The following KAT6B variants were observed in gnomAD, a reference collection of about 807,000 sequenced individuals.
The protein encoded by KAT6B is lysine acetyltransferase 6B.
KAT6B carries 10 observed loss-of-function variants against 187.5 expected under a neutral mutation model. That is an observed-to-expected ratio of 0.05 (90% CI 0.03 to 0.09). The LOEUF (loss-of-function observed/expected upper bound fraction) is 0.09, where lower values mean the gene tolerates loss of function less well. KAT6B is among the 10% of genes least tolerant of loss of function. The pLI is 1.00. For missense variants in KAT6B, 1,952 were observed against 2,558.9 expected (o/e 0.76, Z 5.12); for synonymous variants, 861 against 926.8 (o/e 0.93, Z 1.29).
chr10:74,845,192 T>A (rs1842007073), intron 3 of KAT6B, among the ~76,000 whole-genome samples: 2 of 147,332 alleles, frequency 1.4e-5, no homozygotes, highest in African/African-American at 5.1e-5. Flanking sequence ...GCCTGGGTGA[T>A]AGAGTGAGAT....
intron 4 of KAT6B, among the ~76,000 whole-genome samples, chr10:74,963,881 T>C (rs1841276297): frequency 6.6e-6 from 1 of 152,014 alleles, no homozygotes; most frequent in South Asian, 2.1e-4. Flanking sequence ...CCCAGCACTT[T>C]GGGAGGCCAA....
At chr10:74,975,222 T>C (rs1314272150) in intron 7 of KAT6B, among the ~76,000 whole-genome samples, 177 bp from the exon 8 acceptor site, 2 of 152,198 alleles carry the variant, frequency 1.3e-5, no homozygotes, top group African/African-American at 4.8e-5. Context: ...CCATGACATG[T>C]AAATGCAGTT....
At chr10:74,893,457 G>GTT (rs34203053) in intron 3 of KAT6B, among the ~76,000 whole-genome samples, 19 of 145,312 alleles carry the variant, frequency 1.3e-4, no homozygotes, top group South Asian at 2.2e-4. Context: ...AAATCAGTGG[G>GTT]TTTTTTTTTT....
At chr10:74,974,162 G>T (rs1842016672) in intron 7 of KAT6B, among the ~76,000 whole-genome samples, 1 of 152,166 alleles carries the variant, frequency 6.6e-6, no homozygotes, top group African/African-American at 2.4e-5. Context: ...TGACACTAGA[G>T]ATCTCTAGCG....
At chr10:74,957,104 T>A (rs778947179) in intron 3 of KAT6B, among the ~76,000 whole-genome samples, 5 of 152,246 alleles carry the variant, frequency 3.3e-5, no homozygotes, top group African/African-American at 4.8e-5. Flanking sequence ...GGGATTTTTT[T>A]AAACACAGTT....
At chr10:74,975,375 A>G in intron 7 of KAT6B, 24 bp from the exon 8 acceptor site, 2 of 1,589,702 alleles carry the variant, frequency 1.3e-6, no homozygotes, top group Non-Finnish European at 8.6e-7. Context: ...AAATGCTGAT[A>G]CTATTCTCTA....
chr10:74,916,315 CTTTA>C (rs1847676045), intron 3 of KAT6B, among the ~76,000 whole-genome samples: 2 of 151,996 alleles, frequency 1.3e-5, no homozygotes, highest in African/African-American at 4.8e-5. Context: ...TTGAATTGTG[CTTTA>C]TTTGATAATT....
chr10:74,862,785 C>T (rs780561816), intron 3 of KAT6B, among the ~76,000 whole-genome samples: 2 of 152,116 alleles, frequency 1.3e-5, no homozygotes, highest in African/African-American at 2.4e-5. Context: ...CTGGGATAGT[C>T]GCTGCCTGAG....
At chr10:74,846,430 A>T (rs975503921) in intron 3 of KAT6B, among the ~76,000 whole-genome samples, 16 of 151,908 alleles carry the variant, frequency 1.1e-4, no homozygotes, top group South Asian at 2.1e-4. Flanking sequence ...GTATATATAT[A>T]TTTTTGTTTT....
At chr10:74,835,425 T>C (rs1013718158) in intron 1 of KAT6B, among the ~76,000 whole-genome samples, 4 of 152,186 alleles carry the variant, frequency 2.6e-5, no homozygotes, top group Non-Finnish European at 5.9e-5. Flanking sequence ...AAGACAAATA[T>C]ATGTAAAACA....
At position 74,952,989 on chromosome 10, in the gene KAT6B, C is replaced by T. The variant is rs569162046; in HGVS notation, c.622-6981C>T. Among the ~76,000 whole-genome samples the T allele has an allele frequency of 2.6e-5, 4 of 151,560 alleles. No homozygotes were observed. In the East Asian group the frequency reaches 7.8e-4, roughly 29 times the overall value. On this transcript the variant is annotated intron_variant, in intron 3 of 17. Coordinates refer to ENST00000287239, the MANE Select transcript of KAT6B (RefSeq NM_012330.4). ...TGTGGGGATTACAAGCGTAAGCCAC[C>T]GTGCCCAGCCAGTATTCATCTTTGC...
intron 3 of KAT6B, among the ~76,000 whole-genome samples, chr10:74,872,183 C>G (rs1844041259): frequency 6.6e-6 from 1 of 152,176 alleles, no homozygotes. Context: ...TGAACCCAGA[C>G]AGAGAGCAGC....
At chr10:74,970,221 C>T (rs1841758181) in intron 6 of KAT6B, 120 bp downstream of exon 6, 6 of 721,498 alleles carry the variant, frequency 8.3e-6, no homozygotes, top group Non-Finnish European at 1.5e-5. Context: ...CTCCCACCTT[C>T]CCTATACTTC....
At chr10:74,950,502 G>A (rs536448007) in intron 3 of KAT6B, among the ~76,000 whole-genome samples, 1 of 152,338 alleles carries the variant, frequency 6.6e-6, no homozygotes, top group South Asian at 2.1e-4. Flanking sequence ...TAGAGTTAGT[G>A]TGTTTCCGAA....
chr10:74,892,900 G>T (rs1004429238), intron 3 of KAT6B, among the ~76,000 whole-genome samples: 32 of 152,218 alleles, frequency 2.1e-4, no homozygotes, highest in Non-Finnish European at 4.4e-4. Flanking sequence ...CCCCCCATGT[G>T]GCTGGAGCTG....
At chr10:74,937,951 G>A (rs1011457556) in intron 3 of KAT6B, among the ~76,000 whole-genome samples, 4 of 152,052 alleles carry the variant, frequency 2.6e-5, no homozygotes, top group Non-Finnish European at 5.9e-5. Context: ...TCCTCATATC[G>A]AAATGGTAAA....
chr10:74,975,690 A>G lies in KAT6B; in HGVS notation c.1353A>G (p.Ser451=). 1 of 1,614,224 alleles carries G rather than the reference A, an allele frequency of 6.2e-7. No individual in the cohort carries two copies. The highest frequency in any genetic ancestry group is 8.5e-7 in the Non-Finnish European group (1 of 1,180,050). ...FFTPSPDGRR[S]RGEIIDFSKH... ...CACCATCACCTGATGGTCGCAGATC[A>G]CGAGGTGAAATTATAGACTTTTCAA... Residue 451 remains serine (S), a synonymous_variant, in exon 8 of 18, where the codon TCA becomes TCG. Coordinates refer to ENST00000287239, the MANE Select transcript of KAT6B (RefSeq NM_012330.4).
At chr10:74,873,907 A>G (rs1005861069) in intron 3 of KAT6B, among the ~76,000 whole-genome samples, 4 of 152,172 alleles carry the variant, frequency 2.6e-5, no homozygotes, top group Non-Finnish European at 5.9e-5. Flanking sequence ...TCAGGTGCAG[A>G]CAGAAATTTT....
chr10:74,931,376 G>A (rs1349523123), intron 3 of KAT6B, among the ~76,000 whole-genome samples: 1 of 151,896 alleles, frequency 6.6e-6, no homozygotes, highest in Admixed American at 6.6e-5. Context: ...ATCTCTGTCA[G>A]TCTCCGTGTT....
Sources: gnomAD v4.1 joint callset for allele counts (sites outside exome capture counted in the v4.1 genomes callset) on GRCh38, gnomAD v4.1.1 for gene constraint, MANE v1.5 for transcripts, NCBI Gene and HGNC (gene_info 2026-07-23, HGNC 2026-07-21) for gene names.